Variants in SIPA1L1 observed in about 807,000 individuals in gnomAD.
SIPA1L1 encodes signal induced proliferation associated 1 like 1, also known as signal-induced proliferation-associated 1-like protein 1.
SIPA1L1 carries 26 observed loss-of-function variants against 162.7 expected under a neutral mutation model. The observed-to-expected ratio is 0.16, with a 90% CI of 0.12 to 0.22. The LOEUF (loss-of-function observed/expected upper bound fraction) is 0.22, where lower values mean the gene tolerates loss of function less well. Among genes scored for constraint, SIPA1L1 ranks in the 10% least tolerant of loss-of-function variants. The pLI is 1.00. For synonymous variants in SIPA1L1, 829 were observed against 837.4 expected (o/e 0.99, Z 0.17); for missense variants, 1,874 against 2,241.0 (o/e 0.84, Z 3.31).
At chr14:71,696,582 T>A (rs2081647590) in intron 13 of SIPA1L1, among the ~76,000 whole-genome samples, 1 of 152,246 alleles carries the variant, frequency 6.6e-6, no homozygotes, top group Non-Finnish European at 1.5e-5. Flanking sequence ...AACTCCTGAT[T>A]TGGGGCATCT....
chr14:71,633,263 C>T (rs758015202), intron 7 of SIPA1L1, among the ~76,000 whole-genome samples: 3 of 152,090 alleles, frequency 2.0e-5, no homozygotes, highest in East Asian at 1.9e-4. Context: ...CGGGTTCAAG[C>T]GATTCTCTTG....
In SIPA1L1 at chr14:71,341,662, C is replaced by G. The variant is rs373688487; in HGVS notation, c.-465+20481C>G. Among the ~76,000 whole-genome samples, 3 of 152,228 alleles carry G rather than the reference C, an allele frequency of 2.0e-5. No homozygotes were observed. The South Asian group carries it at 6.2e-4, about 32-fold the overall frequency. The stretch of plus-strand genomic sequence containing the variant: ...CAACTCATCCCTCCCTCTCTCTCTC[C>G]CCTCTCTAGTAGTTCCAGTGTCTAT... On this transcript the variant is annotated intron_variant, in intron 2 of 23. Coordinates refer to ENST00000381232, the MANE Select transcript of SIPA1L1 (RefSeq NM_001386936.1).
chr14:71,564,490 C>CTT (rs370431365), intron 4 of SIPA1L1, among the ~76,000 whole-genome samples: 2,127 of 97,772 alleles, frequency 0.022, 213 homozygotes, highest in African/African-American at 0.074. Flanking sequence ...CATTTTCTTT[C>CTT]TTTTTTTTTT....
intron 2 of SIPA1L1, among the ~76,000 whole-genome samples, chr14:71,469,710 G>A (rs2047301394): frequency 6.6e-6 from 1 of 152,202 alleles, no homozygotes; most frequent in Non-Finnish European, 1.5e-5. Context: ...TGAAAAATGA[G>A]GAAGGTGATG....
chr14:71,466,907 T>C (rs2047046256), intron 2 of SIPA1L1, among the ~76,000 whole-genome samples: 1 of 152,268 alleles, frequency 6.6e-6, no homozygotes, highest in South Asian at 2.1e-4. Flanking sequence ...GTTCTCTCCA[T>C]TTAATTGAAT....
chr14:71,482,535 C>G (rs2048428856), intron 2 of SIPA1L1, among the ~76,000 whole-genome samples: 1 of 152,160 alleles, frequency 6.6e-6, no homozygotes, highest in Admixed American at 6.5e-5. Flanking sequence ...GCCACTCTTT[C>G]CCTGAGTACA....
chr14:71,343,370 A>G (rs931586676), intron 2 of SIPA1L1, among the ~76,000 whole-genome samples: 1 of 152,204 alleles, frequency 6.6e-6, no homozygotes, highest in African/African-American at 2.4e-5. Context: ...TATTTCGTAG[A>G]TAACACTGCA....
At chr14:71,415,298 T>C (rs950413128) in intron 2 of SIPA1L1, among the ~76,000 whole-genome samples, 1 of 152,210 alleles carries the variant, frequency 6.6e-6, no homozygotes, top group Non-Finnish European at 1.5e-5. Flanking sequence ...TAAAGTACAT[T>C]AGGGCACTTT....
In SIPA1L1 at chr14:71,589,189, T is replaced by A. The variant is rs1434065318; in HGVS notation, c.1317T>A (p.Phe439Leu). 6.2e-7 allele frequency: 1 copy of A among 1,614,092 alleles called. No homozygotes were observed. Among genetic ancestry groups the A allele is most frequent in the Non-Finnish European group, 8.5e-7 (1 of 1,179,940 alleles). The change falls in exon 5 of 24, where the codon TTT becomes TTA. Residue 439 changes from phenylalanine to leucine, a missense_variant. Phe to Leu is a conservative substitution (Grantham distance 22). Transcript: ENST00000381232. The part of the protein sequence containing the change: ...ISLSKSNSGS[F>L]SGCESASFES... ...TTTCAAAATCAAATTCTGGCTCCTT[T>A]AGTGGATGTGAAAGTGCCTCCTTTG...
chr14:71,703,947 G>C (rs576099114), intron 15 of SIPA1L1, among the ~76,000 whole-genome samples: 49 of 152,200 alleles, frequency 3.2e-4, no homozygotes, highest in African/African-American at 1.2e-3. Flanking sequence ...ACTTAAAAAT[G>C]AATGTAGATG....
At chr14:71,633,211 A>G (rs2040778538) in intron 7 of SIPA1L1, among the ~76,000 whole-genome samples, 1 of 152,168 alleles carries the variant, frequency 6.6e-6, no homozygotes, top group African/African-American at 2.4e-5. Flanking sequence ...GCCAGGCTGC[A>G]GTGCAGTGGC....
chr14:71,660,555 T>C (rs1161254827), intron 9 of SIPA1L1, among the ~76,000 whole-genome samples: 1 of 152,214 alleles, frequency 6.6e-6, no homozygotes, highest in African/African-American at 2.4e-5. Context: ...GGATAGTTTA[T>C]ATAAATGTCA....
At position 71,720,078 on chromosome 14, in the gene SIPA1L1, T is replaced by C. The variant is rs567311042; in HGVS notation, c.4209-3569T>C. ...CTTGCTACTTTCAGATATCCTTTCT[T>C]TATCCTTGACCTTTGAGAGTTTGAT... On this transcript the variant is annotated intron_variant, in intron 17 of 23. Coordinates refer to ENST00000381232, the MANE Select transcript of SIPA1L1 (RefSeq NM_001386936.1). 9.8e-5 allele frequency among the ~76,000 whole-genome samples: 15 copies of C among 152,334 alleles called. No individual in the cohort carries two copies. In the East Asian group the frequency reaches 2.3e-3, roughly 23 times the overall value.
intron 2 of SIPA1L1, among the ~76,000 whole-genome samples, chr14:71,376,599 G>A (rs1264350798): frequency 6.6e-6 from 1 of 151,294 alleles, no homozygotes; most frequent in African/African-American, 2.4e-5. Context: ...ATCATTCTTG[G>A]GTGTTTCTCC....
chr14:71,549,347 G>A (rs1405415292), intron 4 of SIPA1L1, among the ~76,000 whole-genome samples: 1 of 149,660 alleles, frequency 6.7e-6, no homozygotes, highest in Non-Finnish European at 1.5e-5. Flanking sequence ...GAGATTTCTT[G>A]TTCTCCCTAG....
chr14:71,414,835 C>T (rs905077165), intron 2 of SIPA1L1, among the ~76,000 whole-genome samples: 1 of 152,182 alleles, frequency 6.6e-6, no homozygotes, highest in Non-Finnish European at 1.5e-5. Flanking sequence ...ATTACTATTG[C>T]TCTTCGAGTG....
In SIPA1L1 at chr14:71,637,096, A is replaced by ATTT. The variant is rs56744567; in HGVS notation, c.1818+12870_1818+12872dup. Among the ~76,000 whole-genome samples the ATTT allele has an allele frequency of 9.3e-4, 132 of 142,608 alleles. 1 individual carries two copies. Among genetic ancestry groups the ATTT allele is most frequent in the African/African-American group, 3.3e-3 (124 of 38,074 alleles). 93.6% of individuals were successfully genotyped at this position (142,608 alleles called of 152,430 possible). ...CTACATCTTTGGGGTTTAAAAAAAA[A>ATTT]TTTTTTTTTTTTCATAAAACCCAGA... On this transcript the variant is annotated intron_variant, in intron 7 of 23. Transcript: ENST00000381232.
At chr14:71,631,309 A>G (rs1035776594) in intron 7 of SIPA1L1, among the ~76,000 whole-genome samples, 1 of 151,936 alleles carries the variant, frequency 6.6e-6, no homozygotes, top group Non-Finnish European at 1.5e-5. Context: ...TATTTTTGAG[A>G]TTTTTTTCGT....
chr14:71,429,404 AT>A (rs10718594), intron 2 of SIPA1L1, among the ~76,000 whole-genome samples: 132,812 of 150,422 alleles, frequency 0.88, 58,986 homozygotes, highest in African/African-American at 0.94. Context: ...AATATCTGTA[AT>A]TTTTTTTTTT....
Sources: gnomAD v4.1 joint callset for allele counts (sites outside exome capture counted in the v4.1 genomes callset) on GRCh38, gnomAD v4.1.1 for gene constraint, MANE v1.5 for transcripts, NCBI Gene and HGNC (gene_info 2026-07-23, HGNC 2026-07-21) for gene names.